The following EDA variants were observed in gnomAD, a reference collection of about 807,000 sequenced individuals.
The protein encoded by EDA is ectodysplasin A, also known as ectodysplasin-A.
In EDA, 2 loss-of-function variants were observed where a neutral mutation model predicts 23.6. The observed-to-expected ratio is 0.08, with a 90% CI of 0.03 to 0.27. The LOEUF (loss-of-function observed/expected upper bound fraction) is 0.27, where lower values mean the gene tolerates loss of function less well. Ranked by LOEUF, EDA falls within the 10% of genes least tolerant of loss-of-function variation. EDA has a pLI of 1.00. For synonymous variants in EDA, 131 were observed against 132.0 expected, an observed-to-expected ratio of 0.99 and a Z score of 0.05; for missense variants, 229 against 324.2, an observed-to-expected ratio of 0.71 and a Z score of 2.26.
At chrX:69,940,475 T>C (rs1274035630) in intron 1 of EDA, among the ~76,000 whole-genome samples, 2 of 18,400 alleles carry the variant, frequency 1.1e-4, no homozygotes, top group Non-Finnish European at 3.2e-4. Flanking sequence ...AGGTCTTCTC[T>C]CTTTTTGTAG....
intron 1 of EDA, among the ~76,000 whole-genome samples, chrX:69,783,795 G>C (rs1438833419): frequency 9.2e-6 from 1 of 108,570 alleles, no homozygotes; most frequent in African/African-American, 3.3e-5. Context: ...ATAGTCCTTT[G>C]GGTATATACC....
intron 1 of EDA, among the ~76,000 whole-genome samples, chrX:69,683,392 A>G (rs1221199325): frequency 9.0e-6 from 1 of 111,441 alleles, no homozygotes; most frequent in Admixed American, 9.6e-5. Flanking sequence ...CAAGATGACT[A>G]CTACTGCTGT....
chrX:69,894,495 G>T (rs760775019), intron 1 of EDA, among the ~76,000 whole-genome samples: 2 of 111,900 alleles, frequency 1.8e-5, no homozygotes, highest in Admixed American at 9.5e-5. Context: ...ATTACTTTGA[G>T]CAGTACGGCC....
intron 1 of EDA, among the ~76,000 whole-genome samples, chrX:69,682,314 G>T (rs775652077): frequency 8.9e-6 from 1 of 112,623 alleles, no homozygotes; most frequent in African/African-American, 3.2e-5. Context: ...GCCTACAGAG[G>T]CAGGCAGGCC....
At chrX:69,966,935 A>C (rs2019182940) in intron 2 of EDA, among the ~76,000 whole-genome samples, 1 of 109,157 alleles carries the variant, frequency 9.2e-6, no homozygotes, top group Non-Finnish European at 1.9e-5. Flanking sequence ...ATATGTAAAC[A>C]TATATAAAAT....
chrX:69,784,919 C>T, intron 1 of EDA, among the ~76,000 whole-genome samples: 1 of 111,320 alleles, frequency 9.0e-6, no homozygotes, highest in Non-Finnish European at 1.9e-5. Flanking sequence ...TCTTCCTACC[C>T]ATGAGCATGG....
chrX:69,801,235 C>T (rs760090955), intron 1 of EDA, among the ~76,000 whole-genome samples: 7 of 110,773 alleles, frequency 6.3e-5, no homozygotes, highest in Non-Finnish European at 1.1e-4. Flanking sequence ...GGCTGGAGTA[C>T]AGTACCATGA....
At chrX:69,645,592 ATG>A (rs1201821188) in intron 1 of EDA, among the ~76,000 whole-genome samples, 3 of 47,791 alleles carry the variant, frequency 6.3e-5, no homozygotes, top group African/African-American at 1.3e-4. Context: ...TTTTATATAT[ATG>A]TGTGTGTGTA....
chrX:69,889,699 A>G (rs993461637), intron 1 of EDA, among the ~76,000 whole-genome samples: 3 of 112,085 alleles, frequency 2.7e-5, no homozygotes, highest in African/African-American at 6.5e-5. Context: ...CCTAACAAAT[A>G]TATGACTGTA....
intron 1 of EDA, among the ~76,000 whole-genome samples, chrX:69,903,137 C>G (rs181568007): frequency 9.0e-6 from 1 of 111,486 alleles, no homozygotes; most frequent in Non-Finnish European, 1.9e-5. Context: ...TTTTATTTGT[C>G]TATTCATAAG....
intron 1 of EDA, among the ~76,000 whole-genome samples, chrX:69,652,765 A>T (rs1933146060): frequency 8.9e-6 from 1 of 112,114 alleles, no homozygotes; most frequent in Non-Finnish European, 1.9e-5. Context: ...AGTGCTTAAA[A>T]TGTGTATGAA....
At chrX:69,749,950 G>C (rs1462455190) in intron 1 of EDA, among the ~76,000 whole-genome samples, 2 of 40,259 alleles carry the variant, frequency 5.0e-5, no homozygotes, top group Non-Finnish European at 9.0e-5. Flanking sequence ...TTTTTTTTTT[G>C]GTTGGGGAGA....
At chrX:69,861,092 C>A in intron 1 of EDA, 1 of 405,129 alleles carries the variant, frequency 2.5e-6, no homozygotes, top group Non-Finnish European at 4.4e-6. Context: ...AGATCCTCAC[C>A]AAGGAAACTT....
chrX:69,679,318 A>G (rs1479127755), intron 1 of EDA, among the ~76,000 whole-genome samples: 3 of 106,098 alleles, frequency 2.8e-5, no homozygotes, highest in Non-Finnish European at 5.8e-5. Flanking sequence ...CTTTTGTATC[A>G]GGATGATGCT....
At chrX:69,854,070 G>T (rs960387008) in intron 1 of EDA, among the ~76,000 whole-genome samples, 1 of 111,286 alleles carries the variant, frequency 9.0e-6, no homozygotes. Context: ...TGTCATGGGG[G>T]TTTATTATAT....
At chrX:69,673,993 C>CT (rs1933994777) in intron 1 of EDA, among the ~76,000 whole-genome samples, 3 of 111,629 alleles carry the variant, frequency 2.7e-5, no homozygotes, top group South Asian at 7.5e-4. Flanking sequence ...CCTGCTGCCC[C>CT]GTCAAGCTAC....
chrX:69,903,629 G>T (rs2382874), intron 1 of EDA, among the ~76,000 whole-genome samples: 25,539 of 107,861 alleles, frequency 0.24, 2,490 homozygotes, highest in African/African-American at 0.34. Context: ...ATATCTTGGG[G>T]AGATGAAAAC....
intron 2 of EDA, among the ~76,000 whole-genome samples, chrX:69,958,298 T>C (rs1406630685): frequency 8.9e-6 from 1 of 111,820 alleles, no homozygotes; most frequent in Non-Finnish European, 1.9e-5. Context: ...GCCAATAATA[T>C]GTGTCTGGAG....
At chrX:69,682,747 GT>G (rs1934415333) in intron 1 of EDA, among the ~76,000 whole-genome samples, 1 of 111,115 alleles carries the variant, frequency 9.0e-6, no homozygotes, top group Non-Finnish European at 1.9e-5. Context: ...GATGAACCCG[GT>G]ATGTCAGATG....
Sources: allele counts gnomAD v4.1 joint callset (sites outside exome capture counted in the v4.1 genomes callset), GRCh38; gene constraint gnomAD v4.1.1; transcripts MANE v1.5; gene names NCBI Gene and HGNC (gene_info 2026-07-23, HGNC 2026-07-21).